Variants in CES1 observed in about 807,000 individuals in gnomAD.
The protein encoded by CES1 is carboxylesterase 1, also known as liver carboxylesterase 1.
In CES1, 50 loss-of-function variants were observed where a neutral mutation model predicts 53.0. The observed-to-expected ratio is 0.94, with a 90% CI of 0.75 to 1.19. The LOEUF is 1.19. Ranked by LOEUF, CES1 falls within the 50% of genes most tolerant of loss-of-function variation. CES1 has a pLI of 0.00. For synonymous variants in CES1, 202 were observed against 210.1 expected (o/e 0.96, Z 0.33); for missense variants, 534 against 538.0 (o/e 0.99, Z 0.07).
intron 5 of CES1, 145 bp downstream of exon 5, chr16:55,821,223 C>A (rs2032175099): frequency 5.5e-6 from 6 of 1,090,652 alleles, no homozygotes; most frequent in Non-Finnish European, 8.2e-6. Flanking sequence ...AGCTTTCTAC[C>A]CCCTGATGCT....
chr16:55,819,421 T>C, intron 7 of CES1, 114 bp downstream of exon 7: 1 of 807,044 alleles, frequency 1.2e-6, no homozygotes, highest in Admixed American at 1.7e-5. Context: ...CCCATTCAGA[T>C]ACTGAGAGTT....
Position 55,824,502 on chromosome 16 carries a change from A to T in CES1, c.406-819T>A, listed in dbSNP as rs188630828. The stretch of plus-strand genomic sequence containing the variant: ...CTAAGCACAGTAAAATAAACTATAC[A>T]TTGGGTAGGTACTAATAATGTCCCA... On this transcript the variant is annotated intron_variant, in intron 3 of 13. Coordinates refer to ENST00000360526, the MANE Select transcript of CES1 (RefSeq NM_001025195.2). 6.9e-4 allele frequency among the ~76,000 whole-genome samples: 105 copies of T among 152,306 alleles called. 1 individual carries two copies. Among genetic ancestry groups the T allele is most frequent in the African/African-American group, 2.4e-3 (101 of 41,516 alleles).
In CES1 at chr16:55,819,624, C is replaced by G; in HGVS notation, c.817G>C (p.Ala273Pro). The G allele has an allele frequency of 6.2e-7, 1 of 1,613,822 alleles. No individual in the cohort carries two copies. The highest frequency in any genetic ancestry group is 8.5e-7 in the Non-Finnish European group (1 of 1,179,766). ...KPLAEQIAIT[A>P]GCKTTTSAVM... ...GCAGAGGTGGTGGTTTTGCACCCAG[C>G]AGTGATAGCAATTTGCTGCAAAGAT... is the stretch of plus-strand genomic sequence containing the variant. The change falls in exon 7 of 14, where the codon GCT becomes CCT. Residue 273 changes from alanine (A) to proline (P), a missense_variant. Transcript: ENST00000360526.
chr16:55,810,920 C>G lies in CES1; in HGVS notation c.1170+7G>C. On this transcript the variant is annotated splice_region_variant and intron_variant, in intron 10 of 13. Coordinates refer to ENST00000360526, the MANE Select transcript of CES1 (RefSeq NM_001025195.2). ...TCAGCCAATTCCCATGATTCCTAGA[C>G]TCTTACAACAAGGGGATAGGACTTC... is the stretch of plus-strand genomic sequence containing the variant. The G allele has an allele frequency of 2.5e-6, 4 of 1,611,870 alleles. No individual in the cohort carries two copies. The highest frequency in any genetic ancestry group is 3.4e-6 in the Non-Finnish European group (4 of 1,178,328).
At chr16:55,825,135 A>G (rs1228233577) in intron 3 of CES1, among the ~76,000 whole-genome samples, 3 of 152,214 alleles carry the variant, frequency 2.0e-5, no homozygotes, top group Admixed American at 6.5e-5. Context: ...CTGAAGCCCC[A>G]GGTCTAACTG....
At chr16:55,827,277 C>CAATGATAATAAT (rs2032455485) in intron 2 of CES1, among the ~76,000 whole-genome samples, 1 of 143,796 alleles carries the variant, frequency 7.0e-6, no homozygotes, top group African/African-American at 2.6e-5. Context: ...AGAGGAATAA[C>CAATGATAATAAT]AATAATAATA....
intron 3 of CES1, among the ~76,000 whole-genome samples, chr16:55,824,662 C>T (rs550451807): frequency 2.0e-5 from 3 of 152,348 alleles, no homozygotes; most frequent in Admixed American, 1.3e-4. Flanking sequence ...CTGCAGGCGC[C>T]GGCCACAGTG....
chr16:55,830,653 A>G (rs1281191921), intron 1 of CES1, among the ~76,000 whole-genome samples: 1 of 151,956 alleles, frequency 6.6e-6, no homozygotes, highest in Non-Finnish European at 1.5e-5. Context: ...AAATAGAAAA[A>G]TTAGCTGGGT....
chr16:55,823,060 G>A (rs1440415762), intron 4 of CES1, among the ~76,000 whole-genome samples: 1 of 152,076 alleles, frequency 6.6e-6, no homozygotes, highest in Non-Finnish European at 1.5e-5. Context: ...CACTCCCACA[G>A]GAAGGGGTCA....
rs370314655 is a variant in CES1, at chr16:55,811,012, T to TAAA, written c.1087-5_1087-3dup. ...GGAGAGTGGATAGCTCATCAACTGC[T>TAAA]AAAAAAAAAAAAAAGTTCAGCATTT... On this transcript the variant is annotated splice_polypyrimidine_tract_variant and splice_region_variant and intron_variant, in intron 9 of 13. Transcript: ENST00000360526. 1,937 of 1,406,950 alleles carry TAAA rather than the reference T, an allele frequency of 1.4e-3. 1 individual carries two copies. Among genetic ancestry groups the TAAA allele is most frequent in the Middle Eastern group, 2.0e-3 (11 of 5,394 alleles). 87.2% of individuals were successfully genotyped at this position (1,406,950 alleles called of 1,614,324 possible).
At chr16:55,821,214 G>C (rs1364732045) in intron 5 of CES1, among the ~76,000 whole-genome samples, 154 bp downstream of exon 5, 2 of 145,852 alleles carry the variant, frequency 1.4e-5, no homozygotes, top group Non-Finnish European at 3.1e-5. Context: ...CTGGTCTTTA[G>C]CTTTCTACCC....
rs77283204 is a variant in CES1, at chr16:55,831,798, G to A, written c.52+1206C>T. On this transcript the variant is annotated intron_variant, in intron 1 of 13. Coordinates refer to ENST00000360526, the MANE Select transcript of CES1 (RefSeq NM_001025195.2). ...GACGGGGCTGGGCTGTCAGGATTCAGGACCCAGAGACAGACCTAGGCGTGA... is the reference window on the plus strand; with the variant it reads ...GACGGGGCTGGGCTGTCAGGATTCAAGACCCAGAGACAGACCTAGGCGTGA... 8.3e-3 allele frequency among the ~76,000 whole-genome samples: 1,236 copies of A among 149,600 alleles called. 1 individual carries two copies. The highest frequency in any genetic ancestry group is 0.014 in the Non-Finnish European group (899 of 66,310).
At chr16:55,832,922 C>G in intron 1 of CES1, 82 bp downstream of exon 1, 1 of 1,231,432 alleles carries the variant, frequency 8.1e-7, no homozygotes, top group Admixed American at 1.7e-5. Context: ...TGTGTCTTTG[C>G]CTTTCTACGC....
chr16:55,825,964 T>G (rs1462558291), intron 3 of CES1, among the ~76,000 whole-genome samples, 187 bp downstream of exon 3: 1 of 152,174 alleles, frequency 6.6e-6, no homozygotes, highest in Non-Finnish European at 1.5e-5. Flanking sequence ...TCCCCCAGAG[T>G]GCCTATGTCA....
intron 7 of CES1, among the ~76,000 whole-genome samples, chr16:55,819,049 AT>A (rs2032062742): frequency 6.6e-6 from 1 of 152,266 alleles, no homozygotes; most frequent in Admixed American, 6.5e-5. Flanking sequence ...AGATAGACGG[AT>A]TAACGAATGG....
chr16:55,812,366 GC>G (rs1462461805), intron 9 of CES1: 1 of 186,074 alleles, frequency 5.4e-6, no homozygotes, highest in East Asian at 1.2e-4. Context: ...CGATTAGGTA[GC>G]TTTTCCATCC....
At chr16:55,817,763 TGTGTGTGTGTTTGTCTGTGTGTCTGC>T (rs2032007161) in intron 7 of CES1, among the ~76,000 whole-genome samples, 1 of 151,744 alleles carries the variant, frequency 6.6e-6, no homozygotes, top group African/African-American at 2.4e-5. Flanking sequence ...TGTGTCTGTG[TGTGTGTGTGTTTGTCTGTGTGTCTGC>T]ATGTGTGTGT....
Position 55,821,467 on chromosome 16 carries a change from G to T in CES1, c.594C>A (p.Ala198=). 1 of 1,614,170 alleles carries T rather than the reference G, an allele frequency of 6.2e-7. No homozygotes were observed. The highest frequency in any genetic ancestry group is 2.2e-5 in the East Asian group (1 of 44,884). The change falls in exon 5 of 14, where the codon GCC becomes GCA. Residue 198 remains alanine (A), a synonymous_variant. Transcript: ENST00000360526. The part of the protein sequence containing the change: ...GNWGHLDQVA[A]LRWVQDNIAS... ...CAATGTTGTCCTGGACCCAGCGCAG[G>T]GCAGCCACCTGGTCCAGGTGACCCC... is the stretch of plus-strand genomic sequence containing the variant.
At chr16:55,811,508 T>TC (rs1216222666) in intron 9 of CES1, among the ~76,000 whole-genome samples, 1 of 152,188 alleles carries the variant, frequency 6.6e-6, no homozygotes, top group Non-Finnish European at 1.5e-5. Flanking sequence ...ACTGCACATC[T>TC]CTACGCACAT....
Sources: gnomAD v4.1 joint callset for allele counts (sites outside exome capture counted in the v4.1 genomes callset) on GRCh38, gnomAD v4.1.1 for gene constraint, MANE v1.5 for transcripts, NCBI Gene and HGNC (gene_info 2026-07-23, HGNC 2026-07-21) for gene names.